TNK2: variants seen among roughly 807,000 people sequenced by gnomAD.
TNK2 encodes the protein tyrosine kinase non receptor 2, also known as activated CDC42 kinase 1.
Under a neutral mutation model 101.8 loss-of-function variants are expected in TNK2, and 83 were observed. The observed-to-expected ratio is 0.82, with a 90% CI of 0.68 to 0.98. TNK2 has a LOEUF of 0.98. Among genes scored for constraint, TNK2 ranks in the 50% least tolerant of loss-of-function variants. TNK2 has a pLI of 0.00. For missense variants in TNK2, 1,665 were observed against 1,483.2 expected, an observed-to-expected ratio of 1.12 and a Z score of -2.01; for synonymous variants, 804 against 633.0, an observed-to-expected ratio of 1.27 and a Z score of -4.06.
intron 9 of TNK2, among the ~76,000 whole-genome samples, chr3:195,873,980 C>A (rs917773640): frequency 6.6e-6 from 1 of 152,128 alleles, no homozygotes; most frequent in Non-Finnish European, 1.5e-5. Context: ...TACCCCGAGA[C>A]GAGACGAGTC....
rs374851973 is a variant in TNK2, at chr3:195,868,953, G to C, written c.1589-244C>G. The C allele has an allele frequency of 5.5e-6, 3 of 545,772 alleles. No homozygotes were observed. In the African/African-American group the frequency reaches 5.9e-5, roughly 11 times the overall value. The allele number at this position is 545,772 out of a possible 1,614,324, so 33.8% of individuals were successfully genotyped here. Reference sequence around the variant, plus strand: ...GGGCCGGTGAGCCCCGCCTCGCTCCGTCTAAGCTGCAGCAAGCAACACTGG... The same window carrying C: ...GGGCCGGTGAGCCCCGCCTCGCTCCCTCTAAGCTGCAGCAAGCAACACTGG... On this transcript the variant is annotated intron_variant, in intron 12 of 15. Transcript: ENST00000672887.
chr3:195,897,225 C>T (rs1760686894), intron 1 of TNK2, among the ~76,000 whole-genome samples: 1 of 152,256 alleles, frequency 6.6e-6, no homozygotes, highest in Non-Finnish European at 1.5e-5. Context: ...CCCTCAGAAC[C>T]TCATCCCAGA....
intron 9 of TNK2, among the ~76,000 whole-genome samples, chr3:195,877,926 G>A (rs1750341215): frequency 6.6e-6 from 1 of 152,180 alleles, no homozygotes; most frequent in African/African-American, 2.4e-5. Flanking sequence ...GAAGCGGGGA[G>A]GAGCAGAGGA....
rs766753201 is a variant in TNK2 at position 195,886,959 on chromosome 3, AC to A, written c.234+17del. 1.9e-6 allele frequency: 3 copies of A among 1,607,880 alleles called. No homozygotes were observed. Among genetic ancestry groups the A allele is most frequent in the East Asian group, 4.5e-5 (2 of 44,786 alleles). On this transcript the variant is annotated intron_variant, in intron 3 of 15. Coordinates refer to ENST00000672887, the MANE Select transcript of TNK2 (RefSeq NM_001382273.1). This position sits in a 1 kb window ranked among gnomAD's most constrained non-coding sequence, Gnocchi z 4.2. ...GAGGCTGCCCCCCTCCCACCTCCTC[AC>A]CCACCTCCTCACCCACCTTACTCAT...
chr3:195,883,107 T>A, intron 5 of TNK2, 50 bp downstream of exon 5: 3 of 1,590,560 alleles, frequency 1.9e-6, no homozygotes, highest in Non-Finnish European at 2.6e-6. Flanking sequence ...ACCACACATA[T>A]GGGACCGGAG....
chr3:195,883,068 T>A, intron 5 of TNK2, 89 bp downstream of exon 5: 1 of 1,525,994 alleles, frequency 6.6e-7, no homozygotes, highest in Non-Finnish European at 8.8e-7. Flanking sequence ...CTAGGGCGCC[T>A]CTGACCTTAG....
At chr3:195,866,176 A>C (rs1740718543) in intron 15 of TNK2, among the ~76,000 whole-genome samples, 1 of 152,200 alleles carries the variant, frequency 6.6e-6, no homozygotes, top group African/African-American at 2.4e-5. Flanking sequence ...AACCTTTTAC[A>C]GGAAAGACAA....
chr3:195,868,150 TGCGGAGCTGG>T lies in TNK2; in HGVS notation c.2138_2147del (p.Pro713HisfsTer15), dbSNP rs766013329. On this transcript the variant is annotated frameshift_variant, in exon 13 of 16. Coordinates refer to ENST00000672887, the MANE Select transcript of TNK2 (RefSeq NM_001382273.1). LOFTEE classifies it high-confidence loss of function. ...GCGCCTGGAAGATCTCTGCGGTCTG[TGCGGAGCTGG>T]GCGGCTTGCCCCCACCCTGGGGCGG... The T allele has an allele frequency of 3.7e-6, 6 of 1,611,236 alleles. No homozygotes were observed. The highest frequency in any genetic ancestry group is 2.2e-5 in the South Asian group (2 of 90,952).
At chr3:195,887,420 T>C (rs1325755551) in intron 2 of TNK2, among the ~76,000 whole-genome samples, 1 of 152,254 alleles carries the variant, frequency 6.6e-6, no homozygotes, top group East Asian at 1.9e-4. Context: ...CATAAATCAA[T>C]GTCTAACTTA....
At chr3:195,871,548 G>A (rs1745326164) in intron 10 of TNK2, among the ~76,000 whole-genome samples, 1 of 152,086 alleles carries the variant, frequency 6.6e-6, no homozygotes, top group Non-Finnish European at 1.5e-5. Flanking sequence ...GGGTCACAGG[G>A]GGCCACAGGG....
rs551612119 is a variant in TNK2 at position 195,868,017 on chromosome 3, G to A, written c.2281C>T (p.Pro761Ser). ...ACGTGTGGGCGCGTGGGCCGAGGGG[G>A]GATGGGTACCCGAGGAGGCACCTGG... Reference protein sequence around the residue: ...KPQVPPRVPIPPRPTRPHVQL... With the variant: ...KPQVPPRVPISPRPTRPHVQL... The change falls in exon 13 of 16, where the codon CCC becomes TCC. Residue 761 changes from proline to serine, a missense_variant. Physicochemically the swap from Pro to Ser is moderately conservative, Grantham distance 74 (BLOSUM62 -1). Around this residue, in one of 3 missense-constraint regions of TNK2, gnomAD observed 1,136 missense variants for 894.9 expected, o/e 1.27. Coordinates refer to ENST00000672887, the MANE Select transcript of TNK2 (RefSeq NM_001382273.1). 4 of 1,582,776 alleles carry A rather than the reference G, an allele frequency of 2.5e-6. No homozygotes were observed. Among genetic ancestry groups the A allele is most frequent in the East Asian group, 2.3e-5 (1 of 44,104 alleles).
At position 195,882,718 on chromosome 3, in the gene TNK2, C is replaced by G. The variant is rs1247378654; in HGVS notation, c.610-390G>C. ...ACTAAAAATACAAAAATTAGCCAGG[C>G]ATGGTAGCGCACGGCTGTAATCCCA... On this transcript the variant is annotated intron_variant, in intron 5 of 15. Transcript: ENST00000672887. The surrounding 1 kb of genome is among the most constrained non-coding windows in gnomAD (Gnocchi z 4.2). Among the ~76,000 whole-genome samples, 1 of 152,102 alleles carries G rather than the reference C, an allele frequency of 6.6e-6. No homozygotes were observed. The highest frequency in any genetic ancestry group is 2.4e-5 in the African/African-American group (1 of 41,394).
At chr3:195,907,764 C>T (rs758173548) in intron 1 of TNK2, among the ~76,000 whole-genome samples, 5 of 152,234 alleles carry the variant, frequency 3.3e-5, no homozygotes, top group Admixed American at 6.5e-5. Context: ...CACAGCGGCC[C>T]ATCTGCAAAC....
intron 1 of TNK2, among the ~76,000 whole-genome samples, chr3:195,905,402 C>T (rs1268460090): frequency 5.9e-5 from 9 of 152,050 alleles, no homozygotes; most frequent in Admixed American, 2.0e-4. Flanking sequence ...GGTTCCACTA[C>T]GTTCACCAGC....
Position 195,878,729 on chromosome 3 carries a change from G to T in TNK2, c.1015-137C>A. 1 of 1,329,084 alleles carries T rather than the reference G, an allele frequency of 7.5e-7. No homozygotes were observed. Among genetic ancestry groups the T allele is most frequent in the African/African-American group, 1.5e-5 (1 of 68,456 alleles). The allele number at this position is 1,329,084 out of a possible 1,614,324, so 82.3% of individuals were successfully genotyped here. On this transcript the variant is annotated intron_variant, in intron 7 of 15. Coordinates refer to ENST00000672887, the MANE Select transcript of TNK2 (RefSeq NM_001382273.1). This position sits in a 1 kb window ranked among gnomAD's most constrained non-coding sequence, Gnocchi z 4.7. ...CCAAAGAAGGGATCTGCCTGCCTGG[G>T]AGGGGCCCTCTCCAGAGCCCCAGTC... is the stretch of plus-strand genomic sequence containing the variant.
chr3:195,895,318 G>A (rs751111917), intron 1 of TNK2: 165 of 1,577,952 alleles, frequency 1.0e-4, no homozygotes, highest in Non-Finnish European at 1.3e-4. Context: ...AAATCCCAGC[G>A]GCTGCGGTCA....
In TNK2 at chr3:195,872,284, C is replaced by T. The variant is rs908572062; in HGVS notation, c.1443G>A (p.Arg481=). The T allele has an allele frequency of 6.2e-7, 1 of 1,613,276 alleles. No individual in the cohort carries two copies. Among genetic ancestry groups the T allele is most frequent in the African/African-American group, 1.3e-5 (1 of 74,944 alleles). The change falls in exon 10 of 16, where the codon AGG becomes AGA. Residue 481 remains arginine, a synonymous_variant. Coordinates refer to ENST00000672887, the MANE Select transcript of TNK2 (RefSeq NM_001382273.1). The part of the protein sequence containing the change: ...DPRHCWGFPD[R]IDELYLGNPM... ...CCCCGCCCAGTACTCACTCGTCAATCCTGTCCGGGAAGCCCCAGCAGTGGC... is the reference window on the plus strand; with the variant it reads ...CCCCGCCCAGTACTCACTCGTCAATTCTGTCCGGGAAGCCCCAGCAGTGGC...
In TNK2 at chr3:195,888,454, G is replaced by A. The variant is rs1257860442; in HGVS notation, c.135C>T (p.Asp45=). Residue 45 remains aspartate, a synonymous_variant, in exon 2 of 16, where the codon GAC becomes GAT. Transcript: ENST00000672887. This position sits in a 1 kb window ranked among gnomAD's most constrained non-coding sequence, Gnocchi z 5.3. ...LSHFEYVKNE[D]LEKIGMGRPG... Reference sequence around the variant, plus strand: ...GCCGACCCATGCCGATCTTCTCCAGGTCCTCATTCTTGACGTACTCAAAGT... The same window carrying A: ...GCCGACCCATGCCGATCTTCTCCAGATCCTCATTCTTGACGTACTCAAAGT... 1 of 1,613,934 alleles carries A rather than the reference G, an allele frequency of 6.2e-7. No homozygotes were observed. The highest frequency in any genetic ancestry group is 2.2e-5 in the East Asian group (1 of 44,862).
At chr3:195,879,311 C>T in intron 6 of TNK2, 136 bp from the exon 7 acceptor site, 2 of 1,367,002 alleles carry the variant, frequency 1.5e-6, no homozygotes, top group East Asian at 2.5e-5. Context: ...TCAGGGGCGC[C>T]GTGTGAAGCG....
Sources: gnomAD v4.1 joint callset for allele counts (sites outside exome capture counted in the v4.1 genomes callset) on GRCh38, gnomAD v4.1.1 for gene constraint, gnomAD v4.1.1 regional missense constraint, Gnocchi (gnomAD v3.1) non-coding constraint, MANE v1.5 for transcripts, NCBI Gene and HGNC (gene_info 2026-07-23, HGNC 2026-07-21) for gene names.